Variants in BANP observed in about 807,000 individuals in gnomAD.
BANP encodes BTG3 associated nuclear protein.
BANP carries 11 observed loss-of-function variants against 68.1 expected under a neutral mutation model. The ratio of observed to expected loss-of-function variants is 0.16; its 90% CI spans 0.10 to 0.27. BANP has a LOEUF of 0.27. BANP is among the 10% of genes least tolerant of loss of function. The pLI is 1.00. For missense variants in BANP, 504 were observed against 722.7 expected, an observed-to-expected ratio of 0.70 and a Z score of 3.47; for synonymous variants, 329 against 303.2, an observed-to-expected ratio of 1.09 and a Z score of -0.88.
At chr16:87,978,661 A>G (rs747825720) in intron 2 of BANP, 6 of 469,936 alleles carry the variant, frequency 1.3e-5, no homozygotes, top group South Asian at 9.3e-5. Flanking sequence ...GGACACCCGC[A>G]CCTCAGCCCC....
chr16:88,039,784 A>T (rs1320269335), intron 11 of BANP, among the ~76,000 whole-genome samples: 1 of 143,532 alleles, frequency 7.0e-6, no homozygotes, highest in Non-Finnish European at 1.6e-5. Flanking sequence ...ATTTCTCTGA[A>T]CAAGACTCTG....
At chr16:87,963,114 C>A (rs1468193134) in intron 1 of BANP, among the ~76,000 whole-genome samples, 1 of 152,152 alleles carries the variant, frequency 6.6e-6, no homozygotes, top group Non-Finnish European at 1.5e-5. Flanking sequence ...TTTGGACTTG[C>A]CATTCCAGCT....
chr16:87,967,506 AG>A (rs1331087697), intron 1 of BANP, among the ~76,000 whole-genome samples: 3 of 151,682 alleles, frequency 2.0e-5, no homozygotes, highest in Non-Finnish European at 2.9e-5. Context: ...CTGAGGCTGG[AG>A]TGTAGTGGCA....
intron 11 of BANP, among the ~76,000 whole-genome samples, chr16:88,060,160 T>C (rs1334224093): frequency 6.6e-6 from 1 of 152,256 alleles, no homozygotes; most frequent in Non-Finnish European, 1.5e-5. Context: ...CACCAGCACA[T>C]AGCAACCACC....
chr16:88,029,059 C>T (rs983130305), intron 8 of BANP, among the ~76,000 whole-genome samples: 18 of 152,298 alleles, frequency 1.2e-4, no homozygotes, highest in African/African-American at 3.8e-4. Context: ...GTAATCCCAG[C>T]ACTTTGGGAG....
At chr16:88,044,262 C>A (rs1012265745) in intron 11 of BANP, among the ~76,000 whole-genome samples, 1 of 152,244 alleles carries the variant, frequency 6.6e-6, no homozygotes, top group African/African-American at 2.4e-5. Context: ...AGCTTTCCAT[C>A]GTGGTTCTAG....
intron 6 of BANP, 95 bp downstream of exon 6, chr16:88,006,360 A>C: frequency 6.9e-7 from 1 of 1,442,642 alleles, no homozygotes; most frequent in East Asian, 2.4e-5. Context: ...AAGAAGTGAT[A>C]CAGTGGCCAG....
At chr16:88,014,661 C>T (rs2074047929) in intron 6 of BANP, among the ~76,000 whole-genome samples, 1 of 151,872 alleles carries the variant, frequency 6.6e-6, no homozygotes, top group Admixed American at 6.6e-5. Context: ...AGCTGAGAGC[C>T]CCTGCCCACC....
At chr16:88,055,353 T>C (rs1046078676) in intron 11 of BANP, among the ~76,000 whole-genome samples, 1 of 151,594 alleles carries the variant, frequency 6.6e-6, no homozygotes, top group Non-Finnish European at 1.5e-5. Flanking sequence ...TTTAGTAAAG[T>C]TAAGCAAAGC....
chr16:88,004,189 T>C lies in BANP; in HGVS notation c.363-106T>C. 1.3e-6 allele frequency: 1 copy of C among 742,698 alleles called. No homozygotes were observed. The highest frequency in any genetic ancestry group is 2.3e-4 in the Middle Eastern group (1 of 4,430). 46.0% of individuals were successfully genotyped at this position (742,698 alleles called of 1,614,324 possible). A position where few individuals can be genotyped will look rare whatever the true frequency, so the allele number is the denominator to read the frequency against. On this transcript the variant is annotated intron_variant, in intron 4 of 13. Coordinates refer to ENST00000682872, the MANE Select transcript of BANP (RefSeq NM_001386991.1). The surrounding 1 kb of genome is among the most constrained non-coding windows in gnomAD (Gnocchi z 7.0). The stretch of plus-strand genomic sequence containing the variant: ...AATGACTCTTAGGCCTCCCCCTCAG[T>C]GCGGGTCCCTGGGAGTGGACTGTGT...
At chr16:87,973,780 AAG>A (rs1280688411) in intron 1 of BANP, among the ~76,000 whole-genome samples, 7 of 151,944 alleles carry the variant, frequency 4.6e-5, no homozygotes, top group Non-Finnish European at 8.8e-5. Flanking sequence ...AAAAAGAAAA[AAG>A]AAAAAAATTC....
At chr16:88,040,781 C>T (rs960481266) in intron 11 of BANP, among the ~76,000 whole-genome samples, 1 of 152,246 alleles carries the variant, frequency 6.6e-6, no homozygotes, top group Non-Finnish European at 1.5e-5. Context: ...CTGCAGCCCA[C>T]GCTTGTTCCA....
intron 4 of BANP, among the ~76,000 whole-genome samples, chr16:87,993,364 C>G (rs1177874574): frequency 6.6e-6 from 1 of 152,166 alleles, no homozygotes; most frequent in East Asian, 1.9e-4. Flanking sequence ...GTCAGTCTAC[C>G]CGGGAGCCTT....
In BANP at chr16:88,002,843, C is replaced by T. The variant is rs147401050; in HGVS notation, c.363-1452C>T. On this transcript the variant is annotated intron_variant, in intron 4 of 13. Coordinates refer to ENST00000682872, the MANE Select transcript of BANP (RefSeq NM_001386991.1). The surrounding 1 kb of genome is among the most constrained non-coding windows in gnomAD (Gnocchi z 4.6). ...GCCACTGTGAATAGTCATTAGGGGA[C>T]TGTTGGCTTCTCAGCAGCACCGTCC... Among the ~76,000 whole-genome samples, 469 of 152,330 alleles carry T rather than the reference C, an allele frequency of 3.1e-3. 1 individual carries two copies. Among genetic ancestry groups the T allele is most frequent in the African/African-American group, 0.011 (450 of 41,564 alleles).
At chr16:87,986,057 C>A (rs12934520) in intron 4 of BANP, among the ~76,000 whole-genome samples, 1 of 151,962 alleles carries the variant, frequency 6.6e-6, no homozygotes, top group African/African-American at 2.4e-5. Flanking sequence ...GTCTCACTCA[C>A]TGAAGGACGT....
chr16:87,992,119 T>C lies in BANP; in HGVS notation c.362+7860T>C, dbSNP rs1047506895. 1.1e-4 allele frequency among the ~76,000 whole-genome samples: 16 copies of C among 152,352 alleles called. 2 individuals carry two copies. Among genetic ancestry groups the C allele is most frequent in the Admixed American group, 1.0e-3 (16 of 15,306 alleles). Reference sequence around the variant, plus strand: ...GCCTTTTCTGTATCTTCCGAGATGATGGTATGGTGATCCTTCTTGATTCTT... The same window carrying C: ...GCCTTTTCTGTATCTTCCGAGATGACGGTATGGTGATCCTTCTTGATTCTT... On this transcript the variant is annotated intron_variant, in intron 4 of 13. Coordinates refer to ENST00000682872, the MANE Select transcript of BANP (RefSeq NM_001386991.1).
In BANP at chr16:88,011,511, C is replaced by T. The variant is rs11647323; in HGVS notation, c.655+5246C>T. Among the ~76,000 whole-genome samples, 371 of 152,284 alleles carry T rather than the reference C, an allele frequency of 2.4e-3. 1 individual carries two copies. The highest frequency in any genetic ancestry group is 3.6e-3 in the Non-Finnish European group (243 of 68,018). ...AATGCTTAAGCATTACAGGCAAAAC[C>T]TTTACAATAGAATCGTTGATGGAAA... On this transcript the variant is annotated intron_variant, in intron 6 of 13. Coordinates refer to ENST00000682872, the MANE Select transcript of BANP (RefSeq NM_001386991.1).
At chr16:87,991,074 T>C (rs1039405514) in intron 4 of BANP, among the ~76,000 whole-genome samples, 2 of 152,218 alleles carry the variant, frequency 1.3e-5, no homozygotes, top group African/African-American at 4.8e-5. Context: ...CTGCATACTT[T>C]AAGTGACCTA....
At chr16:87,971,851 G>A (rs2061190759) in intron 1 of BANP, among the ~76,000 whole-genome samples, 1 of 152,052 alleles carries the variant, frequency 6.6e-6, no homozygotes, top group African/African-American at 2.4e-5. Flanking sequence ...GGAGTGTAGT[G>A]GTGCGATCAC....
Sources: gnomAD v4.1 joint callset for allele counts (sites outside exome capture counted in the v4.1 genomes callset) on GRCh38, gnomAD v4.1.1 for gene constraint, Gnocchi (gnomAD v3.1) non-coding constraint, MANE v1.5 for transcripts, NCBI Gene and HGNC (gene_info 2026-07-23, HGNC 2026-07-21) for gene names.